The following IFT140 variants were observed in gnomAD, a reference collection of about 807,000 sequenced individuals.
The protein encoded by IFT140 is intraflagellar transport 140, also known as intraflagellar transport protein 140 homolog.
A neutral mutation model predicts 164.6 loss-of-function variants in IFT140; 133 were observed. The observed-to-expected ratio is 0.81, with a 90% CI of 0.70 to 0.93. IFT140 has a LOEUF of 0.93. Among genes scored for constraint, IFT140 ranks in the 40% least tolerant of loss-of-function variants. The pLI is 0.00. For synonymous variants in IFT140, 860 were observed against 817.3 expected (o/e 1.05, Z -0.89); for missense variants, 2,045 against 1,972.3 (o/e 1.04, Z -0.70).
chr16:1,517,615 A>T (rs569816372), intron 30 of IFT140, among the ~76,000 whole-genome samples: 20 of 152,318 alleles, frequency 1.3e-4, no homozygotes, highest in African/African-American at 4.8e-4. Flanking sequence ...TTAGCTGGTC[A>T]CTTTAAAGTG....
chr16:1,534,964 G>C (rs1434446936), intron 19 of IFT140, among the ~76,000 whole-genome samples: 1 of 152,148 alleles, frequency 6.6e-6, no homozygotes, highest in Non-Finnish European at 1.5e-5. Context: ...TAGCGCTTTG[G>C]GAGGCTGAGG....
At chr16:1,607,854 C>T (rs1405878529) in intron 2 of IFT140, among the ~76,000 whole-genome samples, 1 of 152,196 alleles carries the variant, frequency 6.6e-6, no homozygotes. Flanking sequence ...CTATGTTGCC[C>T]AGGCTGGTCT....
chr16:1,518,061 C>G (rs987945308), intron 30 of IFT140, 155 bp downstream of exon 30: 1 of 677,870 alleles, frequency 1.5e-6, no homozygotes, highest in Non-Finnish European at 2.4e-6. Flanking sequence ...TGCTCTTGAA[C>G]TCCTGGGCTC....
chr16:1,519,303 C>G (rs1310313528), intron 29 of IFT140, among the ~76,000 whole-genome samples: 1 of 152,226 alleles, frequency 6.6e-6, no homozygotes, highest in African/African-American at 2.4e-5. Context: ...CTGAAGCGCA[C>G]AGGCGAGTGC....
chr16:1,558,656 C>T (rs531936301), intron 18 of IFT140, among the ~76,000 whole-genome samples: 4 of 152,330 alleles, frequency 2.6e-5, no homozygotes, highest in African/African-American at 7.2e-5. Context: ...TGGCCCTCCA[C>T]GAGCCCCTCC....
chr16:1,519,522 C>G (rs981512305), intron 29 of IFT140, among the ~76,000 whole-genome samples: 7 of 152,098 alleles, frequency 4.6e-5, no homozygotes, highest in Admixed American at 1.3e-4. Flanking sequence ...CATGGTCCCC[C>G]AACCCCAGGT....
At chr16:1,528,153 C>T (rs2029927125) in intron 19 of IFT140, among the ~76,000 whole-genome samples, 1 of 152,122 alleles carries the variant, frequency 6.6e-6, no homozygotes, top group Admixed American at 6.5e-5. Context: ...CGGCTTCAGC[C>T]CTGACGTGGG....
In IFT140 at chr16:1,553,300, CTG is replaced by C. The variant is rs923756316; in HGVS notation, c.2399+4633_2399+4634del. The stretch of plus-strand genomic sequence containing the variant: ...TCTCTCTGTGTCTCTGCCTGTCTCT[CTG>C]TGTCTCTGTCTCTGTGTCTCTGTCC... On this transcript the variant is annotated intron_variant, in intron 19 of 30. Transcript: ENST00000426508. The surrounding 1 kb of genome is among the most constrained non-coding windows in gnomAD (Gnocchi z 4.4). The C allele has an allele frequency of 5.1e-6, 5 of 984,102 alleles. No individual in the cohort carries two copies. The African/African-American group carries it at 8.7e-5, about 17-fold the overall frequency. The allele number at this position is 984,102 out of a possible 1,614,324, so 61.0% of individuals were successfully genotyped here. A position where few individuals can be genotyped will look rare whatever the true frequency, so the allele number is the denominator to read the frequency against.
Position 1,511,895 on chromosome 16 carries a change from C to T in IFT140, c.4183-745G>A, listed in dbSNP as rs185678539. On this transcript the variant is annotated intron_variant, in intron 30 of 30. Transcript: ENST00000426508. ...GCTGTAGTGGGGAGCCAGGTCAGGC[C>T]GAGGTCCTGCAGTGGCAGAATTCAG... 1.7e-4 allele frequency among the ~76,000 whole-genome samples: 26 copies of T among 151,628 alleles called. 1 individual carries two copies. In the East Asian group the frequency reaches 3.5e-3, roughly 21 times the overall value.
Position 1,524,920 on chromosome 16 carries a change from C to A in IFT140, c.2865-4G>T, listed in dbSNP as rs113784788. 130 of 1,603,630 alleles carry A rather than the reference C, an allele frequency of 8.1e-5. No homozygotes were observed. The highest frequency in any genetic ancestry group is 1.1e-4 in the Non-Finnish European group (128 of 1,176,376). On this transcript the variant is annotated splice_region_variant and splice_polypyrimidine_tract_variant and intron_variant, in intron 22 of 30. Transcript: ENST00000426508. ...CGCCCACCACCGCCACAGGGTCCTG[C>A]GGGCAGCCCAAGACCATGGATTCTC...
At chr16:1,556,825 T>A (rs1263312176) in intron 19 of IFT140, among the ~76,000 whole-genome samples, 1 of 152,208 alleles carries the variant, frequency 6.6e-6, no homozygotes, top group Admixed American at 6.5e-5. Context: ...TTTTGTTTTC[T>A]TTTGGACGGA....
In IFT140 at chr16:1,531,872, G is replaced by A. The variant is rs919934876; in HGVS notation, c.2400-5076C>T. ...CACTCAACCTGAGGAAAGGACCAGAGCGGGCCGCTGAGACAATCAAACGTG... is the reference window on the plus strand; with the variant it reads ...CACTCAACCTGAGGAAAGGACCAGAACGGGCCGCTGAGACAATCAAACGTG... On this transcript the variant is annotated intron_variant, in intron 19 of 30. Coordinates refer to ENST00000426508, the MANE Select transcript of IFT140 (RefSeq NM_014714.4). The surrounding 1 kb of genome is among the most constrained non-coding windows in gnomAD (Gnocchi z 4.7). The A allele has an allele frequency of 6.6e-6, 1 of 152,286 alleles. No individual in the cohort carries two copies. Among genetic ancestry groups the A allele is most frequent in the Non-Finnish European group, 1.5e-5 (1 of 68,074 alleles). 9.4% of individuals were successfully genotyped at this position (152,286 alleles called of 1,614,324 possible). A position where few individuals can be genotyped will look rare whatever the true frequency, so the allele number is the denominator to read the frequency against.
intron 19 of IFT140, among the ~76,000 whole-genome samples, chr16:1,544,610 G>T (rs147664101): frequency 3.3e-5 from 5 of 152,158 alleles, no homozygotes; most frequent in Admixed American, 3.3e-4. Flanking sequence ...AATTACAAAC[G>T]TGTGCTACTG....
chr16:1,565,847 G>T lies in IFT140; in HGVS notation c.1901+314C>A, dbSNP rs376921294. Among the ~76,000 whole-genome samples, 3 of 152,294 alleles carry T rather than the reference G, an allele frequency of 2.0e-5. No individual in the cohort carries two copies. In the South Asian group the frequency reaches 6.2e-4, roughly 32 times the overall value. ...AAATGCCCCCCTACATGAGAGACGC[G>T]GATGGGTCTGAGGTCACCACATTTC... is the stretch of plus-strand genomic sequence containing the variant. On this transcript the variant is annotated intron_variant, in intron 16 of 30. Coordinates refer to ENST00000426508, the MANE Select transcript of IFT140 (RefSeq NM_014714.4).
chr16:1,583,198 G>A, intron 12 of IFT140, 116 bp downstream of exon 12: 1 of 891,578 alleles, frequency 1.1e-6, no homozygotes, highest in Non-Finnish European at 1.8e-6. Context: ...AGTAGCACAA[G>A]GGTCTCCCCA....
At position 1,553,280 on chromosome 16, in the gene IFT140, CTG is replaced by C. The variant is rs2032825402; in HGVS notation, c.2399+4653_2399+4654del. The stretch of plus-strand genomic sequence containing the variant: ...TGTATCTCTCTTGGTCTCTGTCTCT[CTG>C]TGTCTCTGCCTGTCTCTCTGTGTCT... On this transcript the variant is annotated intron_variant, in intron 19 of 30. Coordinates refer to ENST00000426508, the MANE Select transcript of IFT140 (RefSeq NM_014714.4). The surrounding 1 kb of genome is among the most constrained non-coding windows in gnomAD (Gnocchi z 4.4). The C allele has an allele frequency of 3.1e-6, 3 of 981,642 alleles. No homozygotes were observed. Among genetic ancestry groups the C allele is most frequent in the African/African-American group, 1.8e-5 (1 of 57,122 alleles). The allele number at this position is 981,642 out of a possible 1,614,324, so 60.8% of individuals were successfully genotyped here.
At chr16:1,587,863 A>G (rs905409895) in intron 8 of IFT140, 70 bp downstream of exon 8, 8 of 1,235,526 alleles carry the variant, frequency 6.5e-6, no homozygotes, top group Non-Finnish European at 9.2e-6. Flanking sequence ...ATTCCAACAC[A>G]AAGCTGACTT....
Position 1,519,990 on chromosome 16 carries a change from A to G in IFT140, c.3931T>C (p.Tyr1311His). ...DKAHGALTEA[Y>H]KCLAKAKAKS... ...GCCTTGGCCTTGGCCAGGCACTTGTAGGCCTCGGTCAGCGCCCCGTGGGCT... is the reference window on the plus strand; with the variant it reads ...GCCTTGGCCTTGGCCAGGCACTTGTGGGCCTCGGTCAGCGCCCCGTGGGCT... Residue 1311 changes from tyrosine to histidine, a missense_variant, in exon 29 of 31, where the codon TAC becomes CAC. Physicochemically the swap from Tyr to His is moderately conservative, Grantham distance 83 (BLOSUM62 2). Transcript: ENST00000426508. 2 of 1,606,690 alleles carry G rather than the reference A, an allele frequency of 1.2e-6. No homozygotes were observed. The highest frequency in any genetic ancestry group is 1.7e-6 in the Non-Finnish European group (2 of 1,176,970).
At chr16:1,540,666 C>T (rs574822743) in intron 19 of IFT140, 134 of 194,942 alleles carry the variant, frequency 6.9e-4, no homozygotes, top group African/African-American at 2.2e-3. Context: ...GTGATGGATG[C>T]GGGCGCGGGG....
Sources: gnomAD v4.1 joint callset for allele counts (sites outside exome capture counted in the v4.1 genomes callset) on GRCh38, gnomAD v4.1.1 for gene constraint, Gnocchi (gnomAD v3.1) non-coding constraint, MANE v1.5 for transcripts, NCBI Gene and HGNC (gene_info 2026-07-23, HGNC 2026-07-21) for gene names.